Variants in HECTD4 observed in about 807,000 individuals in gnomAD.
HECTD4 encodes HECT domain E3 ubiquitin protein ligase 4, also known as probable E3 ubiquitin-protein ligase HECTD4.
HECTD4 carries 114 observed loss-of-function variants against 471.5 expected under a neutral mutation model. The ratio of observed to expected loss-of-function variants is 0.24; its 90% CI spans 0.21 to 0.28. HECTD4 has a LOEUF of 0.28. Ranked by LOEUF, HECTD4 falls within the 10% of genes least tolerant of loss-of-function variation. HECTD4 has a pLI of 1.00. For synonymous variants in HECTD4, 2,012 were observed against 2,256.0 expected (o/e 0.89, Z 3.07); for missense variants, 3,866 against 5,651.5 (o/e 0.68, Z 10.13).
At chr12:112,332,284 G>A (rs1482407124) in intron 1 of HECTD4, among the ~76,000 whole-genome samples, 1 of 152,114 alleles carries the variant, frequency 6.6e-6, no homozygotes, top group Non-Finnish European at 1.5e-5. Flanking sequence ...TATAATCCCA[G>A]CACTTTCAGG....
chr12:112,233,080 G>T lies in HECTD4; in HGVS notation c.5921C>A (p.Ser1974Ter). The change falls in exon 38 of 76, where the codon TCA becomes TAA. Residue 1974 changes from serine (S) to a stop codon, truncating the protein, a stop_gained. Transcript: ENST00000682272. LOFTEE classifies it high-confidence loss of function. ...HEVLQPLLSS[S>*]EGRPFRLGTG... Reference sequence around the variant, plus strand: ...ACCAAGTCGGAAGGGCCGTCCTTCTGAACTACTGAAAAAAGGCAGGCAGAG... The same window carrying T: ...ACCAAGTCGGAAGGGCCGTCCTTCTTAACTACTGAAAAAAGGCAGGCAGAG... The T allele has an allele frequency of 6.2e-7, 1 of 1,606,736 alleles. No homozygotes were observed. The highest frequency in any genetic ancestry group is 1.1e-5 in the South Asian group (1 of 89,212).
intron 55 of HECTD4, among the ~76,000 whole-genome samples, chr12:112,195,963 A>G (rs1436039390): frequency 6.6e-6 from 1 of 152,146 alleles, no homozygotes; most frequent in Non-Finnish European, 1.5e-5. Flanking sequence ...GGAGTTTGAG[A>G]CCAGCCTGGG....
At chr12:112,301,138 G>A (rs7972486) in intron 7 of HECTD4, among the ~76,000 whole-genome samples, 15,624 of 146,150 alleles carry the variant, frequency 0.11, 949 homozygotes, top group East Asian at 0.24. Flanking sequence ...CACCCACCTC[G>A]GCCTCCCAAA....
chr12:112,320,856 C>CT (rs938309515), intron 1 of HECTD4, among the ~76,000 whole-genome samples: 8 of 151,118 alleles, frequency 5.3e-5, no homozygotes, highest in South Asian at 2.1e-4. Flanking sequence ...ATACCCCATT[C>CT]TTTTTTTTTG....
At position 112,217,205 on chromosome 12, in the gene HECTD4, G is replaced by A; in HGVS notation, c.7075-10C>T. On this transcript the variant is annotated splice_polypyrimidine_tract_variant and intron_variant, in intron 45 of 75. Transcript: ENST00000682272. ...AAGTAATCTCTTTGGGCTGCATCAG[G>A]GAGAAAAACCCATATTCAGTAGAAC... is the stretch of plus-strand genomic sequence containing the variant. The A allele has an allele frequency of 6.7e-7, 1 of 1,487,936 alleles. No individual in the cohort carries two copies. Among genetic ancestry groups the A allele is most frequent in the South Asian group, 1.5e-5 (1 of 67,944 alleles). 92.2% of individuals were successfully genotyped at this position (1,487,936 alleles called of 1,614,324 possible).
intron 1 of HECTD4, among the ~76,000 whole-genome samples, chr12:112,365,772 G>GTTTTTTTTTTTTTT (rs5800943): frequency 1.1e-5 from 1 of 91,978 alleles, no homozygotes; most frequent in Non-Finnish European, 2.2e-5. Context: ...TTTTTTTTTT[G>GTTTTTTTTTTTTTT]TTTTTTTTTT....
rs201148605 is a variant in HECTD4 at position 112,195,042 on chromosome 12, C to A, written c.8592G>T (p.Ala2864=). The change falls in exon 56 of 76, where the codon GCG becomes GCT. Residue 2864 remains alanine, a synonymous_variant. Transcript: ENST00000682272. The part of the protein sequence containing the change: ...IHRELLRCEA[A]LARLYCRMAL... Reference sequence around the variant, plus strand: ...CCATGCGGCAGTACAGCCTGGCCAGCGCAGCCTCGCAGCGCAGCAGCTCCC... The same window carrying A: ...CCATGCGGCAGTACAGCCTGGCCAGAGCAGCCTCGCAGCGCAGCAGCTCCC... The A allele has an allele frequency of 1.9e-6, 3 of 1,603,522 alleles. No individual in the cohort carries two copies. Among genetic ancestry groups the A allele is most frequent in the Non-Finnish European group, 2.6e-6 (3 of 1,175,582 alleles).
chr12:112,274,781 G>T (rs78903521), intron 10 of HECTD4, 66 bp downstream of exon 10: 1 of 947,764 alleles, frequency 1.1e-6, no homozygotes, highest in Non-Finnish European at 1.7e-6. Context: ...GAACTGGCAA[G>T]ACAGTTCAAG....
chr12:112,172,907 A>C (rs778583422), intron 66 of HECTD4, 46 bp from the exon 67 acceptor site: 4 of 1,528,780 alleles, frequency 2.6e-6, no homozygotes, highest in Non-Finnish European at 3.6e-6. Context: ...GGCAGGGCAC[A>C]CCGGGATGAC....
At chr12:112,224,022 A>G (rs933406903) in intron 44 of HECTD4, among the ~76,000 whole-genome samples, 1 of 152,180 alleles carries the variant, frequency 6.6e-6, no homozygotes, top group Admixed American at 6.5e-5. Context: ...ATGAAAATCA[A>G]ATAACTCTGT....
At chr12:112,279,095 G>T in intron 9 of HECTD4, 133 bp downstream of exon 9, 2 of 690,898 alleles carry the variant, frequency 2.9e-6, no homozygotes, top group Non-Finnish European at 4.7e-6. Flanking sequence ...TTTGATAATT[G>T]GTATTTTTTG....
chr12:112,292,914 A>G (rs191103994), intron 7 of HECTD4, among the ~76,000 whole-genome samples: 85 of 151,894 alleles, frequency 5.6e-4, no homozygotes, highest in Middle Eastern at 3.4e-3. Context: ...CTCAGCTACT[A>G]GGGAGGCTGA....
In HECTD4 at chr12:112,184,192, C is replaced by A. The variant is rs949581532; in HGVS notation, c.10774G>T (p.Val3592Leu). 6.2e-7 allele frequency: 1 copy of A among 1,606,404 alleles called. No individual in the cohort carries two copies. Among genetic ancestry groups the A allele is most frequent in the Non-Finnish European group, 8.5e-7 (1 of 1,175,706 alleles). Residue 3592 changes from valine (V) to leucine (L), a missense_variant, in exon 61 of 76, where the codon GTG becomes TTG. Physicochemically the swap from Val to Leu is conservative, Grantham distance 32 (BLOSUM62 1). Around this residue, in one of 16 missense-constraint regions of HECTD4, gnomAD observed 715 missense variants for 1,087.6 expected, o/e 0.66. Transcript: ENST00000682272. This position sits in a 1 kb window ranked among gnomAD's most constrained non-coding sequence, Gnocchi z 9.1. ...AGAGGCTTGAAAGCTGTTACCTCCACGACTGCGAAGCCTTTGATGGGGCGG... is the reference window on the plus strand; with the variant it reads ...AGAGGCTTGAAAGCTGTTACCTCCAAGACTGCGAAGCCTTTGATGGGGCGG... Reference protein sequence around the residue: ...AARPIKGFAVVEIRSRAKIEK... With the variant: ...AARPIKGFAVLEIRSRAKIEK...
rs1173356628 is a variant in HECTD4, at chr12:112,160,867, G to GAGTT, written c.*1516_*1519dup. 8 of 152,186 alleles carry GAGTT rather than the reference G, an allele frequency of 5.3e-5. No individual in the cohort carries two copies. The highest frequency in any genetic ancestry group is 1.9e-4 in the African/African-American group (8 of 41,444). The allele number at this position is 152,186 out of a possible 1,614,324, so 9.4% of individuals were successfully genotyped here. ...AACTGCTTGCGGGCACTCACCTCCAGAGTTGACTTGCATCCAATACAACTG... is the reference window on the plus strand; with the variant it reads ...AACTGCTTGCGGGCACTCACCTCCAGAGTTAGTTGACTTGCATCCAATACAACTG... On this transcript the variant is annotated 3_prime_UTR_variant, in exon 76 of 76. Coordinates refer to ENST00000682272, the MANE Select transcript of HECTD4 (RefSeq NM_001388303.1).
chr12:112,273,661 G>A lies in HECTD4; in HGVS notation c.1936C>T (p.Pro646Ser), dbSNP rs371822837. 1.1e-5 allele frequency: 17 copies of A among 1,613,578 alleles called. No individual in the cohort carries two copies. The highest frequency in any genetic ancestry group is 1.4e-5 in the Non-Finnish European group (16 of 1,179,704). ...RLGVSHIITEPKEEAITTNEV... is the reference protein window; with the variant it reads ...RLGVSHIITESKEEAITTNEV... ...GACCCTGAGTGCACCTCACCTTTGG[G>A]CTCAGTGATAATGTGACTGACTCCA... is the stretch of plus-strand genomic sequence containing the variant. Residue 646 changes from proline to serine, a missense_variant, in exon 11 of 76, where the codon CCC becomes TCC. By Grantham distance (74) the Pro-to-Ser change is moderately conservative. Transcript: ENST00000682272.
chr12:112,165,970 C>A (rs989278586), intron 72 of HECTD4, among the ~76,000 whole-genome samples: 3 of 152,230 alleles, frequency 2.0e-5, no homozygotes, highest in Non-Finnish European at 2.9e-5. Flanking sequence ...AGACACTCCA[C>A]TGATACAAGT....
chr12:112,319,318 G>C lies in HECTD4; in HGVS notation c.602C>G (p.Ser201Cys), dbSNP rs2035542790. The change falls in exon 2 of 76, where the codon TCT (serine) becomes TGT (cysteine). Residue 201 changes from serine to cysteine, a missense_variant. Coordinates refer to ENST00000682272, the MANE Select transcript of HECTD4 (RefSeq NM_001388303.1). The surrounding 1 kb of genome is among the most constrained non-coding windows in gnomAD (Gnocchi z 5.3). ...CLNGIETLLC[S>C]WLEETSDTGR... ...TGTGTCAGAAGTCTCCTCTAGCCAA[G>C]AGCACAGCAAAGTTTCAATTCCATT... 2 of 1,536,012 alleles carry C rather than the reference G, an allele frequency of 1.3e-6. No homozygotes were observed. Among genetic ancestry groups the C allele is most frequent in the South Asian group, 1.2e-5 (1 of 84,068 alleles).
At chr12:112,311,804 T>C (rs2035377707) in intron 4 of HECTD4, among the ~76,000 whole-genome samples, 1 of 151,978 alleles carries the variant, frequency 6.6e-6, no homozygotes, top group Admixed American at 6.6e-5. Flanking sequence ...AAGGAGAGAA[T>C]CAAGAAAGAA....
Position 112,228,494 on chromosome 12 carries a change from A to G in HECTD4, c.6684+153T>C, listed in dbSNP as rs2033296784. Among the ~76,000 whole-genome samples the G allele has an allele frequency of 6.6e-6, 1 of 152,272 alleles. No homozygotes were observed. Among genetic ancestry groups the G allele is most frequent in the Non-Finnish European group, 1.5e-5 (1 of 68,044 alleles). ...TGAAAATTTTCACATAAGCATTACT[A>G]TTAAATAACTATAACCAATACATAA... On this transcript the variant is annotated intron_variant, in intron 42 of 75. Transcript: ENST00000682272. This position sits in a 1 kb window ranked among gnomAD's most constrained non-coding sequence, Gnocchi z 4.9.
Sources: gnomAD v4.1 joint callset for allele counts (sites outside exome capture counted in the v4.1 genomes callset) on GRCh38, gnomAD v4.1.1 for gene constraint, gnomAD v4.1.1 regional missense constraint, Gnocchi (gnomAD v3.1) non-coding constraint, MANE v1.5 for transcripts, NCBI Gene and HGNC (gene_info 2026-07-23, HGNC 2026-07-21) for gene names.